The following SPAG9 variants were observed in gnomAD, a reference collection of about 807,000 sequenced individuals.
SPAG9 encodes C-Jun-amino-terminal kinase-interacting protein 4.
In SPAG9, 35 loss-of-function variants were observed where a neutral mutation model predicts 166.5. The observed-to-expected ratio is 0.21, with a 90% CI of 0.16 to 0.28. SPAG9 has a LOEUF of 0.28. Among genes scored for constraint, SPAG9 ranks in the 10% least tolerant of loss-of-function variants. SPAG9 has a pLI of 1.00. For missense variants in SPAG9, 1,235 were observed against 1,603.3 expected (o/e 0.77, Z 3.92); for synonymous variants, 534 against 565.5 (o/e 0.94, Z 0.79).
chr17:50,976,147 G>T (rs748602979), intron 27 of SPAG9, among the ~76,000 whole-genome samples: 12 of 151,670 alleles, frequency 7.9e-5, no homozygotes, highest in Non-Finnish European at 1.8e-4. Context: ...AAATAATAAA[G>T]CAATTTTAGT....
intron 2 of SPAG9, among the ~76,000 whole-genome samples, chr17:51,063,411 C>CAA (rs143437430): frequency 0.029 from 2,814 of 98,002 alleles, 85 homozygotes; most frequent in African/African-American, 0.08. Flanking sequence ...GACTACATCT[C>CAA]AAAAAAAAAA....
intron 4 of SPAG9, among the ~76,000 whole-genome samples, chr17:51,043,145 CT>C (rs1315061950): frequency 2.0e-5 from 3 of 152,140 alleles, no homozygotes; most frequent in Admixed American, 6.5e-5. Flanking sequence ...CTGCTTCGGC[CT>C]CCCAAAGTGC....
At chr17:51,013,383 T>C (rs1422423791) in intron 9 of SPAG9, among the ~76,000 whole-genome samples, 1 of 152,156 alleles carries the variant, frequency 6.6e-6, no homozygotes, top group Non-Finnish European at 1.5e-5. Flanking sequence ...AGGGCAGGGG[T>C]TGGCAAACTC....
At chr17:50,999,528 T>C (rs2044834654) in intron 14 of SPAG9, 133 bp downstream of exon 14, 2 of 1,473,834 alleles carry the variant, frequency 1.4e-6, no homozygotes, top group South Asian at 2.6e-5. Context: ...TTTAGCTACT[T>C]AACCATTACC....
chr17:51,103,855 T>C (rs1255763014), intron 1 of SPAG9, among the ~76,000 whole-genome samples: 2 of 152,202 alleles, frequency 1.3e-5, no homozygotes, highest in Non-Finnish European at 2.9e-5. Flanking sequence ...TCCATTCATC[T>C]ATTCAGAAAA....
rs1310511587 is a variant in SPAG9 at position 50,966,274 on chromosome 17, A to G, written c.3964T>C (p.Ter1322ArgextTer25). The G allele has an allele frequency of 6.3e-7, 1 of 1,596,788 alleles. No individual in the cohort carries two copies. The highest frequency in any genetic ancestry group is 8.6e-7 in the Non-Finnish European group (1 of 1,164,554). ...ATCTCCACCTGTTTCCCATGGGCTCACTCATTGCCATACATCACTTGCCAC... is the reference window on the plus strand; with the variant it reads ...ATCTCCACCTGTTTCCCATGGGCTCGCTCATTGCCATACATCACTTGCCAC... ...IVWQVMYGNE[*>R] The change falls in exon 30 of 30, where the codon TGA (stop) becomes CGA (arginine). Residue 1322 changes from the stop codon to arginine (R), a stop_lost. Transcript: ENST00000262013.
intron 11 of SPAG9, 61 bp from the exon 12 acceptor site, chr17:51,005,324 A>G (rs2144008712): frequency 6.6e-7 from 1 of 1,517,556 alleles, no homozygotes; most frequent in Middle Eastern, 1.7e-4. Flanking sequence ...TTTCAAAAAA[A>G]TAAGAGTAGG....
At chr17:50,970,615 A>ATG in intron 29 of SPAG9, 92 bp downstream of exon 29, 1 of 1,102,160 alleles carries the variant, frequency 9.1e-7, no homozygotes, top group Non-Finnish European at 1.3e-6. Flanking sequence ...ACCTCTTATA[A>ATG]ATCATTATCA....
At chr17:51,072,315 G>A (rs567936543) in intron 2 of SPAG9, among the ~76,000 whole-genome samples, 6 of 148,284 alleles carry the variant, frequency 4.0e-5, no homozygotes, top group Admixed American at 7.0e-5. Context: ...GAGGTGATAC[G>A]CCTGCCTCGG....
chr17:50,987,034 A>T, intron 22 of SPAG9, 78 bp downstream of exon 22: 1 of 1,373,080 alleles, frequency 7.3e-7, no homozygotes, highest in Admixed American at 2.3e-5. Context: ...GTATTTGTTT[A>T]CCATATTTTA....
At chr17:51,089,636 A>G (rs1181487964) in intron 1 of SPAG9, among the ~76,000 whole-genome samples, 1 of 77,816 alleles carries the variant, frequency 1.3e-5, no homozygotes, top group African/African-American at 6.6e-5. Context: ...ATATATATAT[A>G]TATATATATA....
chr17:50,993,812 T>A lies in SPAG9; in HGVS notation c.2350A>T (p.Ser784Cys). ...DAVQPGNILD[S>C]FTVCNSHVLC... Reference sequence around the variant, plus strand: ...ACATGAGAGTTGCAAACAGTGAAACTGTCTAGGATGTTGCCAGGTTGAACA... The same window carrying A: ...ACATGAGAGTTGCAAACAGTGAAACAGTCTAGGATGTTGCCAGGTTGAACA... The change falls in exon 19 of 30, where the codon AGT (serine) becomes TGT (cysteine). Residue 784 changes from serine to cysteine, a missense_variant. Transcript: ENST00000262013. The A allele has an allele frequency of 6.2e-7, 1 of 1,614,156 alleles. No individual in the cohort carries two copies. Among genetic ancestry groups the A allele is most frequent in the South Asian group, 1.1e-5 (1 of 91,050 alleles).
At chr17:51,020,398 G>A (rs1425792309) in intron 7 of SPAG9, 140 bp from the exon 8 acceptor site, 1 of 604,802 alleles carries the variant, frequency 1.7e-6, no homozygotes, top group East Asian at 2.8e-5. Context: ...AGGAAATACA[G>A]CATTATACAA....
At position 51,048,835 on chromosome 17, in the gene SPAG9, A is replaced by C. The variant is rs551994477; in HGVS notation, c.496-1366T>G. 3.0e-4 allele frequency among the ~76,000 whole-genome samples: 45 copies of C among 152,344 alleles called. No homozygotes were observed. In the South Asian group the frequency reaches 8.9e-3, roughly 30 times the overall value. On this transcript the variant is annotated intron_variant, in intron 3 of 29. Transcript: ENST00000262013. ...ACAAATGTTATCCACAAAGAATGAA[A>C]ACAGAATCACATGAATATAGTATCT... is the stretch of plus-strand genomic sequence containing the variant.
At chr17:51,046,918 C>T in intron 4 of SPAG9, 1 of 1,493,822 alleles carries the variant, frequency 6.7e-7, no homozygotes, top group Non-Finnish European at 8.9e-7. Context: ...ACTATTTTCC[C>T]CTCCACTAAG....
chr17:51,014,899 C>A (rs988365187), intron 8 of SPAG9, among the ~76,000 whole-genome samples: 1 of 151,402 alleles, frequency 6.6e-6, no homozygotes, highest in Admixed American at 6.6e-5. Context: ...ATACTATATG[C>A]CCTATTTTGC....
At chr17:51,039,389 G>A (rs565288994) in intron 5 of SPAG9, among the ~76,000 whole-genome samples, 29 of 152,206 alleles carry the variant, frequency 1.9e-4, no homozygotes, top group Admixed American at 4.6e-4. Flanking sequence ...TCTAGTGAAC[G>A]ACAAGGGCTT....
At chr17:50,978,173 A>G (rs1468142291) in intron 26 of SPAG9, among the ~76,000 whole-genome samples, 1 of 152,208 alleles carries the variant, frequency 6.6e-6, no homozygotes, top group Admixed American at 6.5e-5. Flanking sequence ...TACATTTAAG[A>G]AAGACAACAC....
At chr17:51,050,632 T>TA (rs2047153072) in intron 3 of SPAG9, among the ~76,000 whole-genome samples, 1 of 151,904 alleles carries the variant, frequency 6.6e-6, no homozygotes, top group Non-Finnish European at 1.5e-5. Context: ...AATAAAATGA[T>TA]ATGCACTATA....
Sources: gnomAD v4.1 joint callset for allele counts (sites outside exome capture counted in the v4.1 genomes callset) on GRCh38, gnomAD v4.1.1 for gene constraint, MANE v1.5 for transcripts, NCBI Gene and HGNC (gene_info 2026-07-23, HGNC 2026-07-21) for gene names.